The following DSCAML1 variants were observed in gnomAD, a reference collection of about 807,000 sequenced individuals.
DSCAML1 encodes cell adhesion molecule DSCAML1.
In DSCAML1, 38 loss-of-function variants were observed where a neutral mutation model predicts 200.5. The ratio of observed to expected loss-of-function variants is 0.19; its 90% CI spans 0.15 to 0.25. The LOEUF is 0.25. DSCAML1 is among the 10% of genes least tolerant of loss of function. The pLI is 1.00. For synonymous variants in DSCAML1, 1,215 were observed against 1,165.0 expected (o/e 1.04, Z -0.87); for missense variants, 2,223 against 2,858.8 (o/e 0.78, Z 5.07).
At chr11:117,593,935 G>T (rs1329845503) in intron 3 of DSCAML1, among the ~76,000 whole-genome samples, 1 of 151,946 alleles carries the variant, frequency 6.6e-6, no homozygotes, top group Non-Finnish European at 1.5e-5. Context: ...GGATGGTCTC[G>T]ATCTCCTGAC....
At chr11:117,562,373 G>A (rs1467324323) in intron 3 of DSCAML1, among the ~76,000 whole-genome samples, 1 of 152,238 alleles carries the variant, frequency 6.6e-6, no homozygotes, top group Non-Finnish European at 1.5e-5. Context: ...GCCAGGGTGT[G>A]TGTGCCAGCC....
At chr11:117,614,731 C>T (rs971019170) in intron 3 of DSCAML1, among the ~76,000 whole-genome samples, 7 of 152,230 alleles carry the variant, frequency 4.6e-5, no homozygotes, top group Non-Finnish European at 7.3e-5. Flanking sequence ...CAGTGCCCAA[C>T]GCAGTCTGAC....
intron 3 of DSCAML1, among the ~76,000 whole-genome samples, chr11:117,694,352 G>A: frequency 6.6e-6 from 1 of 151,192 alleles, no homozygotes. Context: ...GTTGCAGTGA[G>A]CTGAGATAGC....
At chr11:117,660,515 C>T (rs1000518316) in intron 3 of DSCAML1, among the ~76,000 whole-genome samples, 7 of 152,060 alleles carry the variant, frequency 4.6e-5, no homozygotes, top group African/African-American at 4.8e-5. Flanking sequence ...GCAAAGTCTT[C>T]GTGTAGATCT....
intron 3 of DSCAML1, among the ~76,000 whole-genome samples, chr11:117,681,845 C>T (rs1854514578): frequency 6.6e-6 from 1 of 152,224 alleles, no homozygotes; most frequent in African/African-American, 2.4e-5. Flanking sequence ...ATCAAATCCT[C>T]CAGCCCCCGG....
chr11:117,439,096 C>T, intron 23 of DSCAML1, 113 bp from the exon 24 acceptor site: 1 of 1,331,578 alleles, frequency 7.5e-7, no homozygotes, highest in Non-Finnish European at 1.0e-6. Flanking sequence ...ACTCCCACTC[C>T]CACTCCCCAG....
At chr11:117,762,369 T>C (rs2054819302) in intron 3 of DSCAML1, among the ~76,000 whole-genome samples, 1 of 152,192 alleles carries the variant, frequency 6.6e-6, no homozygotes, top group African/African-American at 2.4e-5. Context: ...GTGCCTGGCA[T>C]AGTGTCTGGT....
Position 117,780,884 on chromosome 11 carries a change from C to T in DSCAML1, c.47-74G>A. 4.0e-6 allele frequency: 5 copies of T among 1,241,800 alleles called. No individual in the cohort carries two copies. The highest frequency in any genetic ancestry group is 2.6e-4 in the Middle Eastern group (1 of 3,866). 76.9% of individuals were successfully genotyped at this position (1,241,800 alleles called of 1,614,324 possible). On this transcript the variant is annotated intron_variant, in intron 1 of 32. Coordinates refer to ENST00000651296, the MANE Select transcript of DSCAML1 (RefSeq NM_020693.4). This position sits in a 1 kb window ranked among gnomAD's most constrained non-coding sequence, Gnocchi z 4.8. The stretch of plus-strand genomic sequence containing the variant: ...TACCCATATAAGCCACGGAGGCTTG[C>T]GACAGGCTGCACTCATTCACCTGAC...
chr11:117,509,513 G>A (rs548225310), intron 8 of DSCAML1, among the ~76,000 whole-genome samples: 66 of 152,296 alleles, frequency 4.3e-4, no homozygotes, highest in African/African-American at 1.6e-3. Flanking sequence ...CTGGGGGATG[G>A]GCAGGTGCGA....
intron 3 of DSCAML1, among the ~76,000 whole-genome samples, chr11:117,545,298 G>A (rs1169931244): frequency 2.0e-5 from 3 of 151,816 alleles, no homozygotes; most frequent in African/African-American, 7.3e-5. Flanking sequence ...AAAAGGCCAT[G>A]TGAGGACACA....
At chr11:117,718,738 C>T (rs1037224264) in intron 3 of DSCAML1, among the ~76,000 whole-genome samples, 3 of 131,670 alleles carry the variant, frequency 2.3e-5, no homozygotes, top group African/African-American at 5.6e-5. Flanking sequence ...AGAAGCTACT[C>T]GTTACTGCGC....
At chr11:117,697,734 C>T (rs1233458625) in intron 3 of DSCAML1, among the ~76,000 whole-genome samples, 1 of 151,488 alleles carries the variant, frequency 6.6e-6, no homozygotes, top group African/African-American at 2.4e-5. Flanking sequence ...GCATAATGTC[C>T]TCAAGTTTTA....
At chr11:117,653,378 AT>A (rs1245811232) in intron 3 of DSCAML1, among the ~76,000 whole-genome samples, 2 of 152,190 alleles carry the variant, frequency 1.3e-5, no homozygotes, top group East Asian at 3.9e-4. Context: ...CAGGATGAGC[AT>A]CCTGGAGGGG....
chr11:117,722,444 G>C (rs1467955501), intron 3 of DSCAML1, among the ~76,000 whole-genome samples: 1 of 152,176 alleles, frequency 6.6e-6, no homozygotes, highest in Admixed American at 6.6e-5. Context: ...TAGGAGGAAA[G>C]AGTTCTAGTG....
chr11:117,449,961 A>G (rs368370340), intron 20 of DSCAML1, among the ~76,000 whole-genome samples: 1 of 152,084 alleles, frequency 6.6e-6, no homozygotes, highest in Admixed American at 6.5e-5. Flanking sequence ...CCCTTGCCCT[A>G]TGTCCTGCCT....
intron 6 of DSCAML1, among the ~76,000 whole-genome samples, chr11:117,520,501 C>T (rs2049863841): frequency 6.6e-6 from 1 of 151,930 alleles, no homozygotes; most frequent in Non-Finnish European, 1.5e-5. Context: ...AGGGCAGAGA[C>T]AGTAGAGTAT....
At chr11:117,748,008 T>C (rs915280715) in intron 3 of DSCAML1, among the ~76,000 whole-genome samples, 4 of 152,082 alleles carry the variant, frequency 2.6e-5, no homozygotes, top group African/African-American at 4.8e-5. Context: ...GCAAGTCCCA[T>C]AAAATGCCAA....
At chr11:117,431,112 A>G (rs2047781773) in intron 31 of DSCAML1, 79 bp from the exon 32 acceptor site, 11 of 1,397,218 alleles carry the variant, frequency 7.9e-6, no homozygotes, top group Non-Finnish European at 1.1e-5. Context: ...CCCTGCCCGT[A>G]ACCCCAGCAG....
intron 8 of DSCAML1, among the ~76,000 whole-genome samples, chr11:117,508,989 A>G (rs2049563812): frequency 2.6e-5 from 4 of 152,168 alleles, no homozygotes. Flanking sequence ...TAACTAATTC[A>G]TCTAATATTT....
Sources: gnomAD v4.1 joint callset for allele counts (sites outside exome capture counted in the v4.1 genomes callset) on GRCh38, gnomAD v4.1.1 for gene constraint, Gnocchi (gnomAD v3.1) non-coding constraint, MANE v1.5 for transcripts, NCBI Gene and HGNC (gene_info 2026-07-23, HGNC 2026-07-21) for gene names.